COL6A6: variants seen among roughly 807,000 people sequenced by gnomAD.
COL6A6 encodes collagen type VI alpha 6 chain, also known as collagen alpha-6(VI) chain.
In COL6A6, 183 loss-of-function variants were observed where a neutral mutation model predicts 208.6. That is an observed-to-expected ratio of 0.88 (90% CI 0.78 to 0.99). COL6A6 has a LOEUF of 0.99. Ranked by LOEUF, COL6A6 falls within the 50% of genes least tolerant of loss-of-function variation. The probability of loss-of-function intolerance (pLI) is 0.00; values close to 1 mark genes in which losing one functional copy is unlikely to be tolerated. For synonymous variants in COL6A6, 973 were observed against 1,011.8 expected, an observed-to-expected ratio of 0.96 and a Z score of 0.73; for missense variants, 2,816 against 2,815.2, an observed-to-expected ratio of 1.00 and a Z score of -0.01.
chr3:130,665,295 CT>C (rs149597952), intron 36 of COL6A6, among the ~76,000 whole-genome samples, 199 bp downstream of exon 36: 1,604 of 146,870 alleles, frequency 0.011, 32 homozygotes, highest in African/African-American at 0.038. Flanking sequence ...AAACAAATTG[CT>C]TTTTTTTTTA....
chr3:130,570,762 C>T lies in COL6A6; in HGVS notation c.2402-56C>T, dbSNP rs890603412. ...GCAATTTATAAAAAGGTTGAGGCGT[C>T]TCCCATGCTGTCCAAAGCTAATCTC... On this transcript the variant is annotated intron_variant, in intron 6 of 36. Coordinates refer to ENST00000358511, the MANE Select transcript of COL6A6 (RefSeq NM_001102608.3). The T allele has an allele frequency of 5.1e-6, 7 of 1,363,464 alleles. No homozygotes were observed. In the South Asian group the frequency reaches 6.7e-5, roughly 13 times the overall value. 84.5% of individuals were successfully genotyped at this position (1,363,464 alleles called of 1,614,324 possible). A position where few individuals can be genotyped will look rare whatever the true frequency, so the allele number is the denominator to read the frequency against.
Position 130,563,368 on chromosome 3 carries a change from C to T in COL6A6, c.365C>T (p.Pro122Leu), listed in dbSNP as rs1193081534. The T allele has an allele frequency of 6.2e-7, 1 of 1,613,982 alleles. No homozygotes were observed. The highest frequency in any genetic ancestry group is 2.2e-5 in the East Asian group (1 of 44,872). The change falls in exon 3 of 37, where the codon CCC becomes CTC. Residue 122 changes from proline (P) to leucine (L), a missense_variant. Transcript: ENST00000358511. ...QEAHRTYFSA[P>L]ANGRDKKQFP... ...GCTCACAGGACTTATTTCTCTGCAC[C>T]CGCAAATGGGAGAGACAAGAAACAG...
intron 36 of COL6A6, among the ~76,000 whole-genome samples, chr3:130,674,042 G>A (rs1466943484): frequency 6.6e-6 from 1 of 152,128 alleles, no homozygotes; most frequent in Non-Finnish European, 1.5e-5. Flanking sequence ...TTTTACACCT[G>A]AAGAAACAAG....
At chr3:130,670,169 T>G (rs994842987) in intron 36 of COL6A6, among the ~76,000 whole-genome samples, 15 of 152,154 alleles carry the variant, frequency 9.9e-5, no homozygotes, top group Non-Finnish European at 1.9e-4. Flanking sequence ...GCCTGTGAAT[T>G]AAGTCCAAGG....
chr3:130,571,417 TC>T (rs1471695036), intron 7 of COL6A6, 24 bp downstream of exon 7: 2 of 1,501,640 alleles, frequency 1.3e-6, no homozygotes, highest in Non-Finnish European at 1.8e-6. Context: ...ACTAAGTTTT[TC>T]CTAATTATTA....
At chr3:130,617,595 T>C (rs1261880159) in intron 23 of COL6A6, among the ~76,000 whole-genome samples, 1 of 152,178 alleles carries the variant, frequency 6.6e-6, no homozygotes, top group Non-Finnish European at 1.5e-5. Flanking sequence ...ACATCTCAGA[T>C]GTTTTGGGGT....
chr3:130,652,115 T>A (rs956516923), intron 33 of COL6A6, among the ~76,000 whole-genome samples: 2 of 152,232 alleles, frequency 1.3e-5, no homozygotes, highest in African/African-American at 4.8e-5. Flanking sequence ...TTATGATGTG[T>A]GGCGATAGGA....
intron 32 of COL6A6, among the ~76,000 whole-genome samples, chr3:130,648,764 A>C (rs2065533844): frequency 6.6e-6 from 1 of 152,216 alleles, no homozygotes; most frequent in East Asian, 1.9e-4. Flanking sequence ...TCTGCAGGTG[A>C]AGGGTATTTC....
At chr3:130,647,709 G>T (rs976689600) in intron 32 of COL6A6, among the ~76,000 whole-genome samples, 7 of 152,206 alleles carry the variant, frequency 4.6e-5, no homozygotes, top group Non-Finnish European at 7.4e-5. Flanking sequence ...GCCAGCCTAC[G>T]TGAGCCCCAG....
At position 130,606,972 on chromosome 3, in the gene COL6A6, AT is replaced by A. The variant is rs1474654599; in HGVS notation, c.4689+7del. ...GGGGACATACAGGCCCACAGGTACAATGATTTTTCCCCTTAACTCCAAATAA... is the reference window on the plus strand; with the variant it reads ...GGGGACATACAGGCCCACAGGTACAAGATTTTTCCCCTTAACTCCAAATAA... On this transcript the variant is annotated splice_region_variant and intron_variant, in intron 21 of 36. Coordinates refer to ENST00000358511, the MANE Select transcript of COL6A6 (RefSeq NM_001102608.3). 6.2e-7 allele frequency: 1 copy of A among 1,606,496 alleles called. No homozygotes were observed. Among genetic ancestry groups the A allele is most frequent in the Admixed American group, 1.7e-5 (1 of 58,650 alleles).
chr3:130,591,099 G>C lies in COL6A6; in HGVS notation c.4272+5G>C. On this transcript the variant is annotated splice_donor_5th_base_variant and intron_variant, in intron 13 of 36. Coordinates refer to ENST00000358511, the MANE Select transcript of COL6A6 (RefSeq NM_001102608.3). ...CTGGGAGAGGAGGGAATCGCTGTAA[G>C]TCAGGGCTCTTTTTTACCTCCATTT... The C allele has an allele frequency of 6.3e-7, 1 of 1,576,600 alleles. No individual in the cohort carries two copies. Among genetic ancestry groups the C allele is most frequent in the Non-Finnish European group, 8.6e-7 (1 of 1,158,200 alleles).
intron 33 of COL6A6, among the ~76,000 whole-genome samples, chr3:130,658,356 TA>T (rs760811241): frequency 3.0e-4 from 45 of 152,236 alleles, no homozygotes; most frequent in Non-Finnish European, 4.4e-4. Flanking sequence ...TTGTGATCAT[TA>T]ACCACCCACA....
At chr3:130,578,569 C>T (rs867619821) in intron 8 of COL6A6, among the ~76,000 whole-genome samples, 1 of 152,084 alleles carries the variant, frequency 6.6e-6, no homozygotes, top group Admixed American at 6.5e-5. Flanking sequence ...ACTAGAGAAG[C>T]CCTATAAAAC....
At chr3:130,619,685 A>G (rs1348858967) in intron 23 of COL6A6, among the ~76,000 whole-genome samples, 1 of 152,154 alleles carries the variant, frequency 6.6e-6, no homozygotes, top group East Asian at 1.9e-4. Context: ...GCCTGAAGGC[A>G]AGTAATGGGA....
chr3:130,634,238 T>TAAATAAAA (rs2065037703), intron 26 of COL6A6, among the ~76,000 whole-genome samples: 1 of 16,210 alleles, frequency 6.2e-5, no homozygotes, highest in Non-Finnish European at 9.2e-5. Context: ...AATAAATAAA[T>TAAATAAAA]AAATAAAAAA....
At position 130,626,560 on chromosome 3, in the gene COL6A6, A is replaced by G; in HGVS notation, c.4941+13A>G. On this transcript the variant is annotated intron_variant, in intron 25 of 36. Transcript: ENST00000358511. The stretch of plus-strand genomic sequence containing the variant: ...TCGTGGCTTGCAGGTTTGTATTTTG[A>G]CACTAGTTTTGATCGGATTCTTGGA... 1 of 1,600,084 alleles carries G rather than the reference A, an allele frequency of 6.2e-7. No individual in the cohort carries two copies. Among genetic ancestry groups the G allele is most frequent in the Non-Finnish European group, 8.6e-7 (1 of 1,167,244 alleles).
intron 33 of COL6A6, among the ~76,000 whole-genome samples, chr3:130,654,364 G>A (rs1468893297): frequency 6.6e-6 from 1 of 152,116 alleles, no homozygotes; most frequent in African/African-American, 2.4e-5. Flanking sequence ...CAGGTAGTCT[G>A]AGCTATGCTG....
At position 130,635,726 on chromosome 3, in the gene COL6A6, G is replaced by C. The variant is rs550103426; in HGVS notation, c.5056G>C (p.Gly1686Arg). ...KGEIGDPGGP[G>R]ETGLKGARGK... Reference sequence around the variant, plus strand: ...TGAGATTGGGGACCCTGGTGGTCCAGGAGAGACTGGGCTGAAGGGAGCTAG... The same window carrying C: ...TGAGATTGGGGACCCTGGTGGTCCACGAGAGACTGGGCTGAAGGGAGCTAG... The change falls in exon 28 of 37, where the codon GGA becomes CGA. Residue 1686 changes from glycine to arginine, a missense_variant. By Grantham distance (125) the Gly-to-Arg change is moderately radical (BLOSUM62 -2). Coordinates refer to ENST00000358511, the MANE Select transcript of COL6A6 (RefSeq NM_001102608.3). 1.3e-5 allele frequency: 21 copies of C among 1,612,524 alleles called. No homozygotes were observed. In the South Asian group the frequency reaches 2.1e-4, roughly 16 times the overall value.
At chr3:130,535,134 C>T (rs2062193831) in intron 1 of COL6A6, among the ~76,000 whole-genome samples, 1 of 151,558 alleles carries the variant, frequency 6.6e-6, no homozygotes, top group African/African-American at 2.4e-5. Context: ...TTTTCCCCCT[C>T]ACTATTCCTA....
Sources: gnomAD v4.1 joint callset for allele counts (sites outside exome capture counted in the v4.1 genomes callset) on GRCh38, gnomAD v4.1.1 for gene constraint, MANE v1.5 for transcripts, NCBI Gene and HGNC (gene_info 2026-07-23, HGNC 2026-07-21) for gene names.